Variants in COL6A5 observed in about 807,000 individuals in gnomAD.
The protein encoded by COL6A5 is collagen alpha-5(VI) chain.
A neutral mutation model predicts 65.6 loss-of-function variants in COL6A5; 48 were observed. The ratio of observed to expected loss-of-function variants is 0.73; its 90% CI spans 0.58 to 0.93. The LOEUF is 0.93. COL6A5 is among the 40% of genes least tolerant of loss of function. The pLI is 0.00. For synonymous variants in COL6A5, 291 were observed against 322.8 expected (o/e 0.90, Z 1.05); for missense variants, 914 against 928.3 (o/e 0.98, Z 0.20).
chr3:130,391,626 A>G (rs1936404479), exon 7 of COL6A5: 2 of 1,551,580 alleles, frequency 1.3e-6, no homozygotes, highest in South Asian at 2.4e-5. Context: ...GGTGTAGGAA[A>G]GGCCAACCAA....
chr3:130,456,091 T>C (rs1709566115), intron 5 of COL6A5, among the ~76,000 whole-genome samples: 1 of 151,976 alleles, frequency 6.6e-6, no homozygotes, highest in Admixed American at 6.6e-5. Flanking sequence ...GCCACCCGGG[T>C]TCAAGCGATT....
In COL6A5 at chr3:130,371,961, G is replaced by A. The variant is rs964816412; in HGVS notation, c.-28-1650G>A. ...AGCATGTAGTATTCTAGCATCTAGA[G>A]TATATAAAGAATTTTTATATTACAA... On this transcript the variant is annotated intron_variant and NMD_transcript_variant, in intron 1 of 41. Transcript: ENST00000312481. Among the ~76,000 whole-genome samples the A allele has an allele frequency of 2.0e-4, 30 of 152,064 alleles. 1 individual carries two copies. Among genetic ancestry groups the A allele is most frequent in the African/African-American group, 6.8e-4 (28 of 41,398 alleles).
intron 1 of COL6A5, among the ~76,000 whole-genome samples, chr3:130,438,883 A>C (rs946289469): frequency 6.6e-6 from 1 of 152,326 alleles, no homozygotes; most frequent in Middle Eastern, 3.4e-3. Context: ...GTATTAAAGT[A>C]TTTTAAAAAG....
rs61686819 is a variant in COL6A5 at position 130,365,330 on chromosome 3, A to T, written c.-28-8281A>T. Reference sequence around the variant, plus strand: ...TCTCACTCTGTCGCCCAGGCTGGAGAGCAGTGGCGAGATCTCGGCTCACTG... The same window carrying T: ...TCTCACTCTGTCGCCCAGGCTGGAGTGCAGTGGCGAGATCTCGGCTCACTG... On this transcript the variant is annotated intron_variant and NMD_transcript_variant, in intron 1 of 41. Transcript: ENST00000312481. Among the ~76,000 whole-genome samples, 1,113 of 152,114 alleles carry T rather than the reference A, an allele frequency of 7.3e-3. 14 individuals are homozygous for T. The highest frequency in any genetic ancestry group is 0.025 in the African/African-American group (1,040 of 41,502).
upstream of COL6A5, among the ~76,000 whole-genome samples, chr3:130,429,925 T>C (rs535405374): frequency 1.3e-5 from 2 of 152,310 alleles, no homozygotes; most frequent in Non-Finnish European, 2.9e-5. Flanking sequence ...CACTGGCTTC[T>C]TGGGTGTGAG....
exon 3 of COL6A5, chr3:130,376,834 A>G (rs1316239292): frequency 6.2e-7 from 1 of 1,606,820 alleles, no homozygotes; most frequent in East Asian, 2.2e-5. Context: ...GCTGATATGC[A>G]AGGTAAGGAA....
chr3:130,466,490 T>C (rs926258587), intron 5 of COL6A5, among the ~76,000 whole-genome samples: 31 of 151,940 alleles, frequency 2.0e-4, no homozygotes, highest in Non-Finnish European at 1.2e-4. Flanking sequence ...GGAAAATAAA[T>C]AGCATTAAAT....
At chr3:130,459,813 T>G (rs1267631871) in intron 5 of COL6A5, among the ~76,000 whole-genome samples, 1 of 150,754 alleles carries the variant, frequency 6.6e-6, no homozygotes, top group Non-Finnish European at 1.5e-5. Context: ...GCAAATTGAG[T>G]TTTTTTTTAA....
intron 7 of COL6A5, among the ~76,000 whole-genome samples, chr3:130,472,992 T>C (rs935964065): frequency 1.2e-4 from 18 of 149,120 alleles, no homozygotes; most frequent in African/African-American, 2.5e-5. Flanking sequence ...AGCAAAATGA[T>C]GGAAAATAAG....
chr3:130,357,732 T>C (rs1234817517), intron 1 of COL6A5, among the ~76,000 whole-genome samples: 4 of 152,238 alleles, frequency 2.6e-5, no homozygotes, highest in Non-Finnish European at 4.4e-5. Flanking sequence ...GTGATCATTG[T>C]AGTAGATGCT....
At chr3:130,362,531 G>A (rs1435599970) in intron 1 of COL6A5, among the ~76,000 whole-genome samples, 1 of 151,774 alleles carries the variant, frequency 6.6e-6, no homozygotes, top group Non-Finnish European at 1.5e-5. Flanking sequence ...CTTGATTACT[G>A]TAGCTTTACA....
chr3:130,470,881 C>A (rs1709934823), exon 7 of COL6A5: 5 of 1,611,478 alleles, frequency 3.1e-6, no homozygotes, highest in Non-Finnish European at 4.2e-6. Flanking sequence ...GTGCCATCAA[C>A]AAATATCCCA....
At chr3:130,394,776 A>C (rs1173301089) in intron 7 of COL6A5, 114 bp from the exon 8 acceptor site, 3 of 717,960 alleles carry the variant, frequency 4.2e-6, no homozygotes, top group Non-Finnish European at 6.8e-6. Flanking sequence ...AACTTATCTC[A>C]ATTTGCTAAT....
chr3:130,468,487 T>C (rs1039128260), intron 5 of COL6A5, among the ~76,000 whole-genome samples: 2 of 152,060 alleles, frequency 1.3e-5, no homozygotes, highest in South Asian at 4.1e-4. Flanking sequence ...TAAAAATGAG[T>C]GTTTCTCAAC....
chr3:130,407,328 A>G (rs1449831451), intron 17 of COL6A5, among the ~76,000 whole-genome samples: 1 of 152,206 alleles, frequency 6.6e-6, no homozygotes, highest in Non-Finnish European at 1.5e-5. Context: ...CTAGTGAGCC[A>G]TGTGGAAGAG....
chr3:130,476,117 A>G (rs969846651), intron 7 of COL6A5, among the ~76,000 whole-genome samples: 1 of 152,088 alleles, frequency 6.6e-6, no homozygotes, highest in African/African-American at 2.4e-5. Flanking sequence ...TTATTTTCTC[A>G]TAGTTGTGGA....
chr3:130,445,130 G>A (rs1226801220), intron 4 of COL6A5, among the ~76,000 whole-genome samples: 3 of 152,218 alleles, frequency 2.0e-5, no homozygotes, highest in Non-Finnish European at 4.4e-5. Context: ...CCATTTGAAT[G>A]GATTGGTGTA....
At position 130,409,291 on chromosome 3, in the gene COL6A5, C is replaced by T. The variant is rs947875930; in HGVS notation, c.4480-35C>T. 8 of 1,514,926 alleles carry T rather than the reference C, an allele frequency of 5.3e-6. No individual in the cohort carries two copies. The African/African-American group carries it at 8.4e-5, about 16-fold the overall frequency. The allele number at this position is 1,514,926 out of a possible 1,614,324, so 93.8% of individuals were successfully genotyped here. ...TTAACACCATTATACAAGCCTCCTA[C>T]AAGCTAACTCAGAAATTCATTTCAT... is the stretch of plus-strand genomic sequence containing the variant. On this transcript the variant is annotated intron_variant and NMD_transcript_variant, in intron 17 of 41. Coordinates refer to the COL6A5 transcript ENST00000312481.
At chr3:130,419,357 T>C (rs543864028) in intron 25 of COL6A5, among the ~76,000 whole-genome samples, 18 of 152,284 alleles carry the variant, frequency 1.2e-4, no homozygotes, top group Admixed American at 3.3e-4. Flanking sequence ...TGGCTTTGGC[T>C]GTAACAAGAT....
Sources: allele counts gnomAD v4.1 joint callset (sites outside exome capture counted in the v4.1 genomes callset), GRCh38; gene constraint gnomAD v4.1.1; transcripts MANE v1.5; gene names NCBI Gene and HGNC (gene_info 2026-07-23, HGNC 2026-07-21).